The following RUNDC3B variants were observed in gnomAD, a reference collection of about 807,000 sequenced individuals.
RUNDC3B encodes the protein RUN domain-containing protein 3B.
RUNDC3B carries 33 observed loss-of-function variants against 58.4 expected under a neutral mutation model. The ratio of observed to expected loss-of-function variants is 0.56; its 90% CI spans 0.43 to 0.75. The LOEUF is 0.75. RUNDC3B is among the 30% of genes least tolerant of loss of function. RUNDC3B has a pLI of 0.00. For missense variants in RUNDC3B, 501 were observed against 535.7 expected (o/e 0.94, Z 0.64); for synonymous variants, 193 against 195.2 (o/e 0.99, Z 0.10).
intron 10 of RUNDC3B, among the ~76,000 whole-genome samples, chr7:87,820,635 C>A (rs1413230214): frequency 6.6e-6 from 1 of 152,136 alleles, no homozygotes; most frequent in African/African-American, 2.4e-5. Flanking sequence ...TGCAAAAATC[C>A]TCAATAAAAT....
chr7:87,692,713 T>A (rs1828127491), intron 2 of RUNDC3B, among the ~76,000 whole-genome samples: 1 of 152,240 alleles, frequency 6.6e-6, no homozygotes, highest in African/African-American at 2.4e-5. Flanking sequence ...AAATGTGGTT[T>A]AAATATTAGG....
intron 8 of RUNDC3B, among the ~76,000 whole-genome samples, chr7:87,798,963 T>C (rs77143547): frequency 0.018 from 2,685 of 152,274 alleles, 61 homozygotes; most frequent in African/African-American, 0.061. Context: ...CCCATGACTA[T>C]GTCTAAAGTT....
intron 4 of RUNDC3B, among the ~76,000 whole-genome samples, chr7:87,736,869 ATATATATATATATATATATATTTTT>A (rs1170550347): frequency 2.7e-4 from 10 of 36,830 alleles, no homozygotes; most frequent in African/African-American, 1.0e-3. Context: ...ATATATATAT[ATATATATATATATATATATATTTTT>A]TTTTTTTTTT....
chr7:87,786,057 A>G (rs553951001), intron 8 of RUNDC3B, among the ~76,000 whole-genome samples: 1 of 152,142 alleles, frequency 6.6e-6, no homozygotes, highest in South Asian at 2.1e-4. Flanking sequence ...CTCTCTCTCA[A>G]CTTTCAGTGT....
At chr7:87,764,665 A>C (rs1233621981) in intron 6 of RUNDC3B, among the ~76,000 whole-genome samples, 2 of 151,884 alleles carry the variant, frequency 1.3e-5, no homozygotes, top group African/African-American at 2.4e-5. Context: ...TTTCTGAGCT[A>C]TCTCACTTAG....
intron 2 of RUNDC3B, among the ~76,000 whole-genome samples, chr7:87,698,389 G>A (rs933187731): frequency 1.1e-4 from 16 of 151,906 alleles, no homozygotes; most frequent in South Asian, 2.1e-4. Flanking sequence ...CCACCGCACC[G>A]GCTGCAAAAT....
chr7:87,739,769 A>G (rs1832204606), intron 4 of RUNDC3B, 22 bp from the exon 5 acceptor site: 1 of 1,154,154 alleles, frequency 8.7e-7, no homozygotes, highest in East Asian at 2.4e-5. Context: ...TATTTTATAT[A>G]TTCACCCATT....
intron 2 of RUNDC3B, among the ~76,000 whole-genome samples, chr7:87,689,515 A>G (rs976386398): frequency 1.1e-4 from 16 of 152,148 alleles, no homozygotes; most frequent in African/African-American, 3.9e-4. Context: ...TTATTGTGCT[A>G]ATATTACTTT....
intron 8 of RUNDC3B, among the ~76,000 whole-genome samples, chr7:87,784,567 G>A (rs1386253241): frequency 6.6e-6 from 1 of 152,006 alleles, no homozygotes; most frequent in African/African-American, 2.4e-5. Context: ...ATTTATTTTT[G>A]TTTGGTGGTG....
chr7:87,812,505 A>T (rs1836780487), intron 9 of RUNDC3B, among the ~76,000 whole-genome samples: 1 of 152,214 alleles, frequency 6.6e-6, no homozygotes, highest in African/African-American at 2.4e-5. Context: ...GCTACTTGGG[A>T]GGCTGAGGCA....
intron 2 of RUNDC3B, 98 bp from the exon 3 acceptor site, chr7:87,700,323 A>G (rs1828914309): frequency 2.9e-6 from 3 of 1,045,718 alleles, no homozygotes; most frequent in Non-Finnish European, 4.1e-6. Flanking sequence ...ATAGTTCACT[A>G]TATTACCTTT....
chr7:87,667,880 G>T (rs571028639), intron 2 of RUNDC3B, among the ~76,000 whole-genome samples: 2 of 152,080 alleles, frequency 1.3e-5, no homozygotes, highest in South Asian at 4.2e-4. Flanking sequence ...TGCCAGATTT[G>T]GTTTTCCAGT....
chr7:87,632,139 A>G (rs1821286153), intron 1 of RUNDC3B, among the ~76,000 whole-genome samples: 1 of 151,566 alleles, frequency 6.6e-6, no homozygotes, highest in African/African-American at 2.4e-5. Flanking sequence ...ACCAGCATAT[A>G]TCATTCTAGT....
At chr7:87,763,146 A>G (rs1185207382) in intron 6 of RUNDC3B, among the ~76,000 whole-genome samples, 1 of 151,560 alleles carries the variant, frequency 6.6e-6, no homozygotes, top group African/African-American at 2.4e-5. Context: ...AAATTTAACA[A>G]AGTTGAAGGT....
chr7:87,713,487 T>C (rs1460517886), intron 4 of RUNDC3B, among the ~76,000 whole-genome samples: 1 of 152,140 alleles, frequency 6.6e-6, no homozygotes. Context: ...GAAATATGTG[T>C]GATCTTTTTG....
intron 2 of RUNDC3B, among the ~76,000 whole-genome samples, chr7:87,671,333 CCCCTAGAGG>C (rs1007201208): frequency 6.6e-6 from 1 of 152,164 alleles, no homozygotes; most frequent in Non-Finnish European, 1.5e-5. Context: ...CTTTTAGTTT[CCCCTAGAGG>C]CCCTGTCCAG....
chr7:87,639,882 G>A (rs1001519301), intron 1 of RUNDC3B, among the ~76,000 whole-genome samples: 24 of 151,542 alleles, frequency 1.6e-4, no homozygotes, highest in East Asian at 1.9e-4. Context: ...TTTAATTAAC[G>A]TTATTACTAT....
intron 7 of RUNDC3B, among the ~76,000 whole-genome samples, chr7:87,775,038 C>T (rs1230900209): frequency 6.6e-6 from 1 of 152,140 alleles, no homozygotes; most frequent in Non-Finnish European, 1.5e-5. Flanking sequence ...ACTTTTTAGT[C>T]ATTATTTTTA....
chr7:87,659,142 A>C (rs1824435483), intron 2 of RUNDC3B: 1 of 377,162 alleles, frequency 2.7e-6, no homozygotes, highest in Non-Finnish European at 5.2e-6. Flanking sequence ...AGCCTGGGCA[A>C]TAGAATGAGA....
Sources: allele counts gnomAD v4.1 joint callset (sites outside exome capture counted in the v4.1 genomes callset), GRCh38; gene constraint gnomAD v4.1.1; transcripts MANE v1.5; gene names NCBI Gene and HGNC (gene_info 2026-07-23, HGNC 2026-07-21).